NKAIN3: variants seen among roughly 807,000 people sequenced by gnomAD.
NKAIN3 encodes the protein sodium/potassium-transporting ATPase subunit beta-1-interacting protein 3.
Under a neutral mutation model 30.2 loss-of-function variants are expected in NKAIN3, and 25 were observed. The observed-to-expected ratio is 0.83, with a 90% CI of 0.60 to 1.16. The LOEUF is 1.16. NKAIN3 is among the 50% of genes most tolerant of loss of function. The pLI, the probability that NKAIN3 is intolerant of heterozygous loss-of-function variation, is 0.00. For missense variants in NKAIN3, 225 were observed against 254.1 expected (o/e 0.89, Z 0.78); for synonymous variants, 91 against 89.6 (o/e 1.02, Z -0.09).
chr8:62,843,749 C>T (rs1819595842), intron 4 of NKAIN3, among the ~76,000 whole-genome samples: 1 of 152,108 alleles, frequency 6.6e-6, no homozygotes, highest in Non-Finnish European at 1.5e-5. Context: ...TGATTTGCCA[C>T]AGCAACAATA....
At chr8:62,376,214 C>T (rs1315509905) in intron 1 of NKAIN3, among the ~76,000 whole-genome samples, 1 of 152,126 alleles carries the variant, frequency 6.6e-6, no homozygotes, top group African/African-American at 2.4e-5. Context: ...TTTGCAGATC[C>T]TTCACGCATG....
chr8:62,876,603 T>C (rs551112289), intron 4 of NKAIN3, among the ~76,000 whole-genome samples: 53 of 152,142 alleles, frequency 3.5e-4, no homozygotes, highest in African/African-American at 8.4e-4. Context: ...GAAAATGTGG[T>C]AAATATACAC....
chr8:62,874,590 C>A (rs1268532543), intron 4 of NKAIN3, among the ~76,000 whole-genome samples: 2 of 152,128 alleles, frequency 1.3e-5, no homozygotes, highest in African/African-American at 4.8e-5. Context: ...AAACTGAATC[C>A]AGCAGCACAT....
chr8:62,422,963 A>T (rs908169800), intron 1 of NKAIN3, among the ~76,000 whole-genome samples: 1 of 152,120 alleles, frequency 6.6e-6, no homozygotes, highest in African/African-American at 2.4e-5. Context: ...AGTGCATTGC[A>T]GATATCACTG....
rs543493960 is a variant in NKAIN3 at position 62,259,685 on chromosome 8, A to T, written c.54+10558A>T. The stretch of plus-strand genomic sequence containing the variant: ...GAACATTCTTACCTTAGGTCTTGAT[A>T]GAGTATAGGAGAATAGATATTTTAA... On this transcript the variant is annotated intron_variant, in intron 1 of 6. Transcript: ENST00000623646. Among the ~76,000 whole-genome samples, 27 of 152,312 alleles carry T rather than the reference A, an allele frequency of 1.8e-4. No homozygotes were observed. The South Asian group carries it at 5.4e-3, about 30-fold the overall frequency.
Position 62,977,092 on chromosome 8 carries a change from T to C in NKAIN3, c.*11685T>C, listed in dbSNP as rs4395892. On this transcript the variant is annotated 3_prime_UTR_variant, in exon 7 of 7. Coordinates refer to ENST00000623646, the MANE Select transcript of NKAIN3 (RefSeq NM_001304533.3). Reference sequence around the variant, plus strand: ...GGCTTCCCTTTGTAGGTAACCCAACTTTTCTCTCTGGCTGCCCTTAACATT... The same window carrying C: ...GGCTTCCCTTTGTAGGTAACCCAACCTTTCTCTCTGGCTGCCCTTAACATT... Among the ~76,000 whole-genome samples the C allele has an allele frequency of 0.11, 16,270 of 152,166 alleles. 916 individuals carry two copies. The highest frequency in any genetic ancestry group is 0.17 in the South Asian group (821 of 4,822).
chr8:62,369,347 A>G (rs566488824), intron 1 of NKAIN3, among the ~76,000 whole-genome samples: 4 of 152,236 alleles, frequency 2.6e-5, no homozygotes, highest in South Asian at 4.1e-4. Flanking sequence ...TTGATTCTGC[A>G]TAACAGGTTT....
chr8:62,686,011 C>T (rs1187830519), intron 3 of NKAIN3, among the ~76,000 whole-genome samples: 1 of 152,098 alleles, frequency 6.6e-6, no homozygotes, highest in African/African-American at 2.4e-5. Context: ...TGGTCAGATG[C>T]CATTCAGATC....
At chr8:62,489,093 T>G (rs1271977230) in intron 1 of NKAIN3, among the ~76,000 whole-genome samples, 1 of 152,162 alleles carries the variant, frequency 6.6e-6, no homozygotes, top group Non-Finnish European at 1.5e-5. Flanking sequence ...CTTGGCTCAC[T>G]GCAAGCCCTG....
intron 1 of NKAIN3, among the ~76,000 whole-genome samples, chr8:62,559,869 G>C (rs1451393537): frequency 6.6e-6 from 1 of 152,010 alleles, no homozygotes; most frequent in Non-Finnish European, 1.5e-5. Flanking sequence ...CTGGTGTCCT[G>C]TTGCTTCAAA....
At chr8:62,902,362 A>T in intron 4 of NKAIN3, among the ~76,000 whole-genome samples, 1 of 152,222 alleles carries the variant, frequency 6.6e-6, no homozygotes, top group East Asian at 1.9e-4. Flanking sequence ...GGAATGTGGG[A>T]CAGAGGTTGA....
intron 1 of NKAIN3, among the ~76,000 whole-genome samples, chr8:62,332,292 G>T (rs982176088): frequency 6.6e-6 from 1 of 152,026 alleles, no homozygotes; most frequent in African/African-American, 2.4e-5. Context: ...TGCCATTCTA[G>T]ATATCCATTG....
intron 1 of NKAIN3, among the ~76,000 whole-genome samples, chr8:62,282,749 A>G (rs184244159): frequency 6.6e-6 from 1 of 152,154 alleles, no homozygotes; most frequent in Non-Finnish European, 1.5e-5. Flanking sequence ...TTACAACCTT[A>G]GTGAAATTGT....
At chr8:62,922,494 G>A (rs1236838032) in intron 5 of NKAIN3, among the ~76,000 whole-genome samples, 5 of 151,472 alleles carry the variant, frequency 3.3e-5, no homozygotes, top group African/African-American at 1.2e-4. Context: ...GTGACCACAA[G>A]GCCAGACACC....
intron 3 of NKAIN3, among the ~76,000 whole-genome samples, chr8:62,673,822 G>C (rs1813386848): frequency 6.6e-6 from 1 of 152,130 alleles, no homozygotes; most frequent in Non-Finnish European, 1.5e-5. Context: ...TAAAAATTTG[G>C]TTTTATAATT....
At chr8:62,508,338 AC>A (rs1807708993) in intron 1 of NKAIN3, among the ~76,000 whole-genome samples, 1 of 152,090 alleles carries the variant, frequency 6.6e-6, no homozygotes, top group South Asian at 2.1e-4. Context: ...TTTGCTTTAG[AC>A]CCATTCTTGC....
intron 3 of NKAIN3, among the ~76,000 whole-genome samples, chr8:62,593,846 AAT>A (rs1810734411): frequency 6.6e-6 from 1 of 152,056 alleles, no homozygotes; most frequent in Non-Finnish European, 1.5e-5. Context: ...AACAAAAGGC[AAT>A]AGTTAAAGTT....
In NKAIN3 at chr8:62,979,951, A is replaced by C. The variant is rs1349195626; in HGVS notation, c.*14544A>C. On this transcript the variant is annotated 3_prime_UTR_variant, in exon 7 of 7. Transcript: ENST00000623646. ...TCTGAGCATCAGAAAGCCACCTTCC[A>C]GTGGGTCTTTGCCTAGCTTTTGTCT... 1.3e-5 allele frequency: 2 copies of C among 152,160 alleles called. No homozygotes were observed. The highest frequency in any genetic ancestry group is 2.9e-5 in the Non-Finnish European group (2 of 68,064). The allele number at this position is 152,160 out of a possible 1,614,324, so 9.4% of individuals were successfully genotyped here. A position where few individuals can be genotyped will look rare whatever the true frequency, so the allele number is the denominator to read the frequency against.
chr8:62,884,934 T>C (rs1349552575), intron 4 of NKAIN3, among the ~76,000 whole-genome samples: 1 of 152,168 alleles, frequency 6.6e-6, no homozygotes, highest in East Asian at 1.9e-4. Context: ...TAGCTTCCTA[T>C]TAAACTTATG....
Sources: gnomAD v4.1 joint callset for allele counts (sites outside exome capture counted in the v4.1 genomes callset) on GRCh38, gnomAD v4.1.1 for gene constraint, MANE v1.5 for transcripts, NCBI Gene and HGNC (gene_info 2026-07-23, HGNC 2026-07-21) for gene names.